Variants in PAQR6 observed in about 807,000 individuals in gnomAD.
PAQR6 encodes the protein membrane progestin receptor delta.
In PAQR6, 34 loss-of-function variants were observed where a neutral mutation model predicts 36.2. The ratio of observed to expected loss-of-function variants is 0.94; its 90% CI spans 0.71 to 1.25. The LOEUF is 1.25. Among genes scored for constraint, PAQR6 ranks in the 50% most tolerant of loss-of-function variants. The pLI is 0.00. For synonymous variants in PAQR6, 190 were observed against 190.7 expected, an observed-to-expected ratio of 1.00 and a Z score of 0.03; for missense variants, 431 against 445.7, an observed-to-expected ratio of 0.97 and a Z score of 0.30.
chr1:156,244,582 C>T, intron 7 of PAQR6, 179 bp from the exon 8 acceptor site: 1 of 1,434,892 alleles, frequency 7.0e-7, no homozygotes, highest in Non-Finnish European at 9.3e-7. Context: ...GTTTTGCTAC[C>T]TGAGAAGTGG....
In PAQR6 at chr1:156,244,777, T is replaced by C; in HGVS notation, c.744A>G (p.Gly248=). 1 of 1,613,736 alleles carries C rather than the reference T, an allele frequency of 6.2e-7. No individual in the cohort carries two copies. The highest frequency in any genetic ancestry group is 2.2e-5 in the East Asian group (1 of 44,884). Residue 248 remains glycine (G), a synonymous_variant, in exon 7 of 8, where the codon GGA becomes GGG. Coordinates refer to ENST00000292291, the MANE Select transcript of PAQR6 (RefSeq NM_198406.3). Reference sequence around the variant, plus strand: ...TGCCCTCACCGATGTAATCAAAGCGTCCTGGTGCCAGCCTTTCAGGCAGGT... The same window carrying C: ...TGCCCTCACCGATGTAATCAAAGCGCCCTGGTGCCAGCCTTTCAGGCAGGT... ...ASHLPERLAP[G]RFDYIGHSHQ...
rs1356722016 is a variant in PAQR6, at chr1:156,247,973, GCTC to G, written c.-45_-43del. 3 of 462,148 alleles carry G rather than the reference GCTC, an allele frequency of 6.5e-6. No individual in the cohort carries two copies. Among genetic ancestry groups the G allele is most frequent in the Non-Finnish European group, 9.0e-6 (2 of 222,656 alleles). The allele number at this position is 462,148 out of a possible 1,614,324, so 28.6% of individuals were successfully genotyped here. ...CTTCCTTACCCAGAGCTTGGTGGGT[GCTC>G]CTAAGCTGGTGGGTCAACAGGCCCA... is the stretch of plus-strand genomic sequence containing the variant. On this transcript the variant is annotated 5_prime_UTR_variant, in exon 1 of 8. Coordinates refer to ENST00000292291, the MANE Select transcript of PAQR6 (RefSeq NM_198406.3).
rs374272830 is a variant in PAQR6 at position 156,246,161 on chromosome 1, G to A, written c.141C>T (p.Asn47=). ...DCVLSSFQMT[N]ETVNIWTHFL... ...AGTGAGTCCAGATGTTGACCGTCTC[G>A]TTGGTCATCTGGAAGGAGCTGAGGA... Residue 47 remains asparagine, a synonymous_variant, in exon 3 of 8, where the codon AAC becomes AAT. Transcript: ENST00000292291. 1.2e-6 allele frequency: 2 copies of A among 1,613,384 alleles called. No individual in the cohort carries two copies. Among genetic ancestry groups the A allele is most frequent in the South Asian group, 1.1e-5 (1 of 91,080 alleles).
rs1660000390 is a variant in PAQR6, at chr1:156,244,763, A to G, written c.758T>C (p.Ile253Thr). Residue 253 changes from isoleucine (I) to threonine (T), a missense_variant and splice_region_variant, in exon 7 of 8, where the codon ATC becomes ACC. Physicochemically the swap from Ile to Thr is moderately conservative, Grantham distance 89. Transcript: ENST00000292291. ...ERLAPGRFDYIGHSHQLFHIC... is the reference protein window; with the variant it reads ...ERLAPGRFDYTGHSHQLFHIC... Reference sequence around the variant, plus strand: ...GGCCGGGCCAGGCGTGCCCTCACCGATGTAATCAAAGCGTCCTGGTGCCAG... The same window carrying G: ...GGCCGGGCCAGGCGTGCCCTCACCGGTGTAATCAAAGCGTCCTGGTGCCAG... 6.2e-7 allele frequency: 1 copy of G among 1,613,652 alleles called. No individual in the cohort carries two copies. Among genetic ancestry groups the G allele is most frequent in the African/African-American group, 1.3e-5 (1 of 74,928 alleles).
At chr1:156,246,354 G>T in intron 2 of PAQR6, 104 bp from the exon 3 acceptor site, 1 of 1,112,578 alleles carries the variant, frequency 9.0e-7, no homozygotes, top group Non-Finnish European at 1.3e-6. Context: ...GGAGATCAAC[G>T]TGGCCCCCAA....
In PAQR6 at chr1:156,245,642, G is replaced by A. The variant is rs780098823; in HGVS notation, c.405C>T (p.Ala135=). The part of the protein sequence containing the change: ...LYSLGCAFPY[A]AYSMPASWLH... ...GCCAGGAGGCCGGCATGGAGTAGGC[G>A]GCATAGGGGAAGGCGCAGCCTGCGG... The change falls in exon 5 of 8, where the codon GCC becomes GCT. Residue 135 remains alanine, a synonymous_variant. Transcript: ENST00000292291. 12 of 1,613,216 alleles carry A rather than the reference G, an allele frequency of 7.4e-6. No homozygotes were observed. The highest frequency in any genetic ancestry group is 2.2e-5 in the South Asian group (2 of 91,068).
Position 156,244,325 on chromosome 1 carries a change from C to T in PAQR6, c.839G>A (p.Gly280Glu). 1 of 1,608,762 alleles carries T rather than the reference C, an allele frequency of 6.2e-7. No individual in the cohort carries two copies. Among genetic ancestry groups the T allele is most frequent in the Non-Finnish European group, 8.5e-7 (1 of 1,177,852 alleles). ...TGTGGCCAGCCAGGCTCTGCGTGAT[C>T]CCATATCAGCCAGCACTGCCTCCAG... ...FQLEAVLADM[G>E]SRRAWLATQE... Residue 280 changes from glycine (G) to glutamate (E), a missense_variant, in exon 8 of 8, where the codon GGA becomes GAA. By Grantham distance (98) the Gly-to-Glu change is moderately conservative. Transcript: ENST00000292291.
At position 156,248,056 on chromosome 1, in the gene PAQR6, T is replaced by G. The variant is rs1660945706; in HGVS notation, c.-125A>C. 2.2e-6 allele frequency: 1 copy of G among 456,568 alleles called. No homozygotes were observed. Among genetic ancestry groups the G allele is most frequent in the South Asian group, 1.6e-5 (1 of 61,628 alleles). 28.3% of individuals were successfully genotyped at this position (456,568 alleles called of 1,614,324 possible). On this transcript the variant is annotated 5_prime_UTR_variant, in exon 1 of 8. Transcript: ENST00000292291. ...GCCAGCCAGGCTGATGGAGGAAGAG[T>G]GGCCAGGCAGGCGGGCCAGGCCTGG...
At chr1:156,247,573 G>C (rs1660819564) in intron 1 of PAQR6, 1 of 154,046 alleles carries the variant, frequency 6.5e-6, no homozygotes, top group South Asian at 2.0e-4. Context: ...CATGCACTTT[G>C]GGGCTTGCAC....
rs1659778943 is a variant in PAQR6 at position 156,244,072 on chromosome 1, T to C, written c.*57A>G. 1 of 1,613,564 alleles carries C rather than the reference T, an allele frequency of 6.2e-7. No individual in the cohort carries two copies. On this transcript the variant is annotated 3_prime_UTR_variant, in exon 8 of 8. Transcript: ENST00000292291. The stretch of plus-strand genomic sequence containing the variant: ...CTGATTAGGCCCAAATCTGGGCTCC[T>C]CGTCAGCACTGGGGCCTGGCCTCTG...
In PAQR6 at chr1:156,247,945, G is replaced by T; in HGVS notation, c.-26+12C>A. 1 of 449,914 alleles carries T rather than the reference G, an allele frequency of 2.2e-6. No individual in the cohort carries two copies. Among genetic ancestry groups the T allele is most frequent in the Non-Finnish European group, 4.6e-6 (1 of 216,860 alleles). The allele number at this position is 449,914 out of a possible 1,614,324, so 27.9% of individuals were successfully genotyped here. A position where few individuals can be genotyped will look rare whatever the true frequency, so the allele number is the denominator to read the frequency against. ...TTTTCCCAGAAGAGCCCCAGAAGGTGAGCTTCCTTACCCAGAGCTTGGTGG... is the reference window on the plus strand; with the variant it reads ...TTTTCCCAGAAGAGCCCCAGAAGGTTAGCTTCCTTACCCAGAGCTTGGTGG... On this transcript the variant is annotated intron_variant, in intron 1 of 7. Coordinates refer to ENST00000292291, the MANE Select transcript of PAQR6 (RefSeq NM_198406.3).
Position 156,245,146 on chromosome 1 carries a change from T to C in PAQR6, c.605A>G (p.Tyr202Cys). The change falls in exon 6 of 8, where the codon TAT becomes TGT. Residue 202 changes from tyrosine (Y) to cysteine (C), a missense_variant. Transcript: ENST00000292291. Reference protein sequence around the residue: ...PFLFDNLPLFYRLGLCWGRGH... With the variant: ...PFLFDNLPLFCRLGLCWGRGH... The stretch of plus-strand genomic sequence containing the variant: ...AGGGGCCCTAGGCCTCCTTACCCGA[T>C]AAAAGAGTGGGAGGTTGTCGAACAG... The C allele has an allele frequency of 6.2e-7, 1 of 1,613,482 alleles. No homozygotes were observed. Among genetic ancestry groups the C allele is most frequent in the Non-Finnish European group, 8.5e-7 (1 of 1,179,708 alleles).
At position 156,243,690 on chromosome 1, in the gene PAQR6, G is replaced by A. The variant is rs1659668653; in HGVS notation, c.*439C>T. On this transcript the variant is annotated 3_prime_UTR_variant, in exon 8 of 8. Coordinates refer to ENST00000292291, the MANE Select transcript of PAQR6 (RefSeq NM_198406.3). ...CTGGTTTGTGGGGATGGGGGGGCAA[G>A]TGTGTGGCCTCTCGGCCTGGTTAGC... 1 of 832,496 alleles carries A rather than the reference G, an allele frequency of 1.2e-6. No individual in the cohort carries two copies. The highest frequency in any genetic ancestry group is 1.7e-5 in the African/African-American group (1 of 59,188). The allele number at this position is 832,496 out of a possible 1,614,324, so 51.6% of individuals were successfully genotyped here. A position where few individuals can be genotyped will look rare whatever the true frequency, so the allele number is the denominator to read the frequency against.
chr1:156,246,245 G>A lies in PAQR6; in HGVS notation c.57C>T (p.Phe19=). The A allele has an allele frequency of 6.2e-7, 1 of 1,612,570 alleles. No individual in the cohort carries two copies. Among genetic ancestry groups the A allele is most frequent in the Non-Finnish European group, 8.5e-7 (1 of 1,179,144 alleles). ...LLQVHQVPRV[F]WEDGIMSGYR... ...AGCCAGACATGATGCCATCTTCCCA[G>A]AACACCTAGGGTAGTGGTGGGAGAG... is the stretch of plus-strand genomic sequence containing the variant. The change falls in exon 3 of 8, where the codon TTC becomes TTT. Residue 19 remains phenylalanine, a synonymous_variant. Transcript: ENST00000292291.
rs149122579 is a variant in PAQR6 at position 156,243,904 on chromosome 1, C to T, written c.*225G>A. On this transcript the variant is annotated 3_prime_UTR_variant, in exon 8 of 8. Transcript: ENST00000292291. ...CATCTCCCCTCTCAGACCCTCAGCA[C>T]TTCTTCCACTCCCATCAAGAGCCCC... The T allele has an allele frequency of 1.7e-3, 2,706 of 1,612,818 alleles. 3 individuals are homozygous for T. The highest frequency in any genetic ancestry group is 2.1e-3 in the Non-Finnish European group (2,482 of 1,178,976).
At position 156,243,727 on chromosome 1, in the gene PAQR6, A is replaced by T; in HGVS notation, c.*402T>A. On this transcript the variant is annotated 3_prime_UTR_variant, in exon 8 of 8. Transcript: ENST00000292291. ...TCGGCCTGGTTAGCAAGAAGCATTC[A>T]GGGTAGGCCTAGGTTAGTCGTGTTA... 8.8e-7 allele frequency: 1 copy of T among 1,131,550 alleles called. No homozygotes were observed. Among genetic ancestry groups the T allele is most frequent in the Non-Finnish European group, 1.2e-6 (1 of 808,392 alleles). 70.1% of individuals were successfully genotyped at this position (1,131,550 alleles called of 1,614,324 possible). A position where few individuals can be genotyped will look rare whatever the true frequency, so the allele number is the denominator to read the frequency against.
chr1:156,245,184 G>A lies in PAQR6; in HGVS notation c.567C>T (p.Phe189=), dbSNP rs148353324. ...GGTTGTCGAACAGGAATGGATAGGCGAAGGCTCCTGTGCGGAGGACCTTAC... is the reference window on the plus strand; with the variant it reads ...GGTTGTCGAACAGGAATGGATAGGCAAAGGCTCCTGTGCGGAGGACCTTAC... ...GLSKVLRTGA[F]AYPFLFDNLP... Residue 189 remains phenylalanine, a synonymous_variant, in exon 6 of 8, where the codon TTC becomes TTT. Transcript: ENST00000292291. The A allele has an allele frequency of 1.4e-4, 223 of 1,614,038 alleles. No individual in the cohort carries two copies. Among genetic ancestry groups the A allele is most frequent in the Admixed American group, 3.3e-4 (20 of 59,998 alleles).
chr1:156,245,717 G>T, intron 4 of PAQR6, 56 bp from the exon 5 acceptor site: 1 of 1,582,836 alleles, frequency 6.3e-7, no homozygotes. Flanking sequence ...CCTATGTCCC[G>T]CGTCCCACCC....
In PAQR6 at chr1:156,243,500, ACCCC is replaced by A. The variant is rs776986359; in HGVS notation, c.*625_*628del. 160 of 471,666 alleles carry A rather than the reference ACCCC, an allele frequency of 3.4e-4. No homozygotes were observed. The highest frequency in any genetic ancestry group is 5.5e-4 in the Admixed American group (16 of 28,968). 29.2% of individuals were successfully genotyped at this position (471,666 alleles called of 1,614,324 possible). On this transcript the variant is annotated 3_prime_UTR_variant, in exon 8 of 8. Coordinates refer to ENST00000292291, the MANE Select transcript of PAQR6 (RefSeq NM_198406.3). ...GGCTTCCCAAAGTCTAACTAGGGATACCCCCTCTAGCCTAGGACCCTCCTCCCCA... is the reference window on the plus strand; with the variant it reads ...GGCTTCCCAAAGTCTAACTAGGGATACTCTAGCCTAGGACCCTCCTCCCCA...
Sources: gnomAD v4.1 joint callset for allele counts on GRCh38, gnomAD v4.1.1 for gene constraint, MANE v1.5 for transcripts, NCBI Gene and HGNC (gene_info 2026-07-23, HGNC 2026-07-21) for gene names.